Variants in PCDHGB1 observed in about 807,000 individuals in gnomAD.
PCDHGB1 encodes protocadherin gamma subfamily B, 1.
In PCDHGB1, 34 loss-of-function variants were observed where a neutral mutation model predicts 56.6. The observed-to-expected ratio is 0.60, with a 90% CI of 0.46 to 0.80. PCDHGB1 has a LOEUF of 0.80. PCDHGB1 is among the 30% of genes least tolerant of loss of function. PCDHGB1 has a pLI of 0.00. For synonymous variants in PCDHGB1, 561 were observed against 505.9 expected (o/e 1.11, Z -1.46); for missense variants, 1,278 against 1,204.6 (o/e 1.06, Z -0.90).
At chr5:141,417,117 C>A (rs1199474234) in intron 1 of PCDHGB1, 3 of 151,748 alleles carry the variant, frequency 2.0e-5, no homozygotes, top group Non-Finnish European at 4.4e-5. Context: ...TACAGGACAC[C>A]CTGGATGATG....
intron 1 of PCDHGB1, chr5:141,419,479 C>T (rs764891283): frequency 6.2e-7 from 1 of 1,612,390 alleles, no homozygotes; most frequent in Non-Finnish European, 8.5e-7. Context: ...AGGGCTCGCC[C>T]GCGCTCAGCG....
rs555568322 is a variant in PCDHGB1, at chr5:141,366,458, G to T, written c.2409+13789G>T. On this transcript the variant is annotated intron_variant, in intron 1 of 3. Transcript: ENST00000523390. ...CTGCGTCTTCCTGGCCTTCGTCATC[G>T]TGCTGCTGGTGCTCAGACTGAGGCG... 12 of 1,614,210 alleles carry T rather than the reference G, an allele frequency of 7.4e-6. No individual in the cohort carries two copies. Among genetic ancestry groups the T allele is most frequent in the African/African-American group, 1.3e-5 (1 of 75,068 alleles).
Position 141,491,349 on chromosome 5 carries a change from C to G in PCDHGB1, c.2410-3458C>G. 6.2e-7 allele frequency: 1 copy of G among 1,614,168 alleles called. No individual in the cohort carries two copies. Among genetic ancestry groups the G allele is most frequent in the Non-Finnish European group, 8.5e-7 (1 of 1,180,016 alleles). ...TTGTGGCTCTAGCGACCGTCAGTCT[C>G]TTATCCCTAGTCACCTTCACCTTTC... is the stretch of plus-strand genomic sequence containing the variant. On this transcript the variant is annotated intron_variant, in intron 1 of 3. Transcript: ENST00000523390. The surrounding 1 kb of genome is among the most constrained non-coding windows in gnomAD (Gnocchi z 6.9).
At chr5:141,365,190 A>C (rs1188827131) in intron 1 of PCDHGB1, 1 of 1,613,890 alleles carries the variant, frequency 6.2e-7, no homozygotes, top group South Asian at 1.1e-5. Context: ...GAAGAAGAAA[A>C]AATTTCGGAG....
chr5:141,357,439 C>T (rs772687347), intron 1 of PCDHGB1: 1 of 1,614,206 alleles, frequency 6.2e-7, no homozygotes, highest in East Asian at 2.2e-5. Flanking sequence ...GGACGGGGTT[C>T]GGGCTTTCCT....
intron 1 of PCDHGB1, chr5:141,398,744 G>C (rs1561665852): frequency 1.2e-6 from 2 of 1,613,854 alleles, no homozygotes; most frequent in East Asian, 4.5e-5. Flanking sequence ...GAACAACAGA[G>C]TTACCATCGT....
At chr5:141,481,779 C>T (rs1367771159) in intron 1 of PCDHGB1, among the ~76,000 whole-genome samples, 2 of 152,092 alleles carry the variant, frequency 1.3e-5, no homozygotes, top group Non-Finnish European at 2.9e-5. Flanking sequence ...TGGTGAAACC[C>T]CGTCTCTACT....
rs183831513 is a variant in PCDHGB1 at position 141,497,605 on chromosome 5, T to A, written c.2468+2740T>A. ...CCCAAGCTGGAGTGCAGTGGTGCGA[T>A]CTTGGCTCACTGCAACCTCTGCCTG... On this transcript the variant is annotated intron_variant, in intron 2 of 3. Coordinates refer to ENST00000523390, the MANE Select transcript of PCDHGB1 (RefSeq NM_018922.3). Among the ~76,000 whole-genome samples, 19 of 151,488 alleles carry A rather than the reference T, an allele frequency of 1.3e-4. No individual in the cohort carries two copies. In the East Asian group the frequency reaches 3.7e-3, roughly 29 times the overall value.
chr5:141,368,854 T>C (rs1426770284), intron 1 of PCDHGB1, among the ~76,000 whole-genome samples: 1 of 152,192 alleles, frequency 6.6e-6, no homozygotes, highest in Non-Finnish European at 1.5e-5. Context: ...GCACTTGCTT[T>C]GGAATGTTTT....
At chr5:141,356,540 A>G (rs527720732) in intron 1 of PCDHGB1, 1 of 1,614,106 alleles carries the variant, frequency 6.2e-7, no homozygotes, top group East Asian at 2.2e-5. Flanking sequence ...GACATCAATG[A>G]CAACCCACCC....
chr5:141,494,775 A>G (rs1202233200), intron 1 of PCDHGB1, 32 bp from the exon 2 acceptor site: 1 of 1,613,580 alleles, frequency 6.2e-7, no homozygotes. Flanking sequence ...TCTCACGGGT[A>G]CTCAGCCCCT....
intron 1 of PCDHGB1, chr5:141,390,882 G>C (rs892294372): frequency 6.5e-6 from 1 of 152,824 alleles, no homozygotes; most frequent in Admixed American, 6.5e-5. Flanking sequence ...GTGTGTGTGT[G>C]TGTGTGAGAG....
intron 1 of PCDHGB1, chr5:141,415,339 C>T (rs776585248): frequency 7.4e-6 from 12 of 1,614,190 alleles, no homozygotes; most frequent in Non-Finnish European, 1.0e-5. Context: ...CAGGCTGCGG[C>T]GCTGGCACAA....
intron 2 of PCDHGB1, 80 bp downstream of exon 2, chr5:141,494,945 C>G (rs2099757788): frequency 6.2e-7 from 1 of 1,608,958 alleles, no homozygotes; most frequent in Non-Finnish European, 8.5e-7. Flanking sequence ...GGGGGAGGGC[C>G]CAGCATTTGC....
intron 1 of PCDHGB1, among the ~76,000 whole-genome samples, chr5:141,474,773 G>T (rs1290099424): frequency 6.6e-6 from 1 of 152,182 alleles, no homozygotes; most frequent in East Asian, 1.9e-4. Flanking sequence ...ATAGTATGAG[G>T]CTCTAACACT....
intron 1 of PCDHGB1, chr5:141,403,541 G>A (rs1332209242): frequency 6.2e-7 from 1 of 1,614,016 alleles, no homozygotes. Context: ...GCTGGTGCTG[G>A]AGCGCGCCCT....
chr5:141,372,305 C>T (rs749468095), intron 1 of PCDHGB1: 5 of 1,613,260 alleles, frequency 3.1e-6, no homozygotes, highest in South Asian at 1.1e-5. Context: ...ACAGGGAGGC[C>T]GCCCGCCAGC....
At position 141,502,499 on chromosome 5, in the gene PCDHGB1, C is replaced by T. The variant is rs552402476; in HGVS notation, c.2469-2894C>T. ...CATCACACTGGGACTCATCTAACGT[C>T]GGCCTGTCCCACTATCAGTGATGCC... On this transcript the variant is annotated intron_variant, in intron 2 of 3. Coordinates refer to ENST00000523390, the MANE Select transcript of PCDHGB1 (RefSeq NM_018922.3). Among the ~76,000 whole-genome samples, 24 of 152,240 alleles carry T rather than the reference C, an allele frequency of 1.6e-4. No homozygotes were observed. In the East Asian group the frequency reaches 4.1e-3, roughly 26 times the overall value.
At chr5:141,381,889 G>T (rs1385598954) in intron 1 of PCDHGB1, among the ~76,000 whole-genome samples, 1 of 132,634 alleles carries the variant, frequency 7.5e-6, no homozygotes, top group Non-Finnish European at 1.5e-5. Context: ...GAGTGCAATG[G>T]TGTGATCTCG....
Sources: allele counts gnomAD v4.1 joint callset (sites outside exome capture counted in the v4.1 genomes callset), GRCh38; gene constraint gnomAD v4.1.1; non-coding constraint Gnocchi (gnomAD v3.1); transcripts MANE v1.5; gene names NCBI Gene and HGNC (gene_info 2026-07-23, HGNC 2026-07-21).